HECW2: variants seen among roughly 807,000 people sequenced by gnomAD.
The protein encoded by HECW2 is E3 ubiquitin-protein ligase HECW2.
A neutral mutation model predicts 175.2 loss-of-function variants in HECW2; 61 were observed. The ratio of observed to expected loss-of-function variants is 0.35; its 90% confidence interval spans 0.28 to 0.43. The LOEUF is 0.43. Among genes scored for constraint, HECW2 ranks in the 20% least tolerant of loss-of-function variants. HECW2 has a pLI of 1.00. For missense variants in HECW2, 1,524 were observed against 2,000.5 expected (o/e 0.76, Z 4.54); for synonymous variants, 671 against 731.0 (o/e 0.92, Z 1.32).
chr2:196,275,480 A>G (rs971111920), intron 15 of HECW2, among the ~76,000 whole-genome samples: 28 of 152,170 alleles, frequency 1.8e-4, no homozygotes, highest in Non-Finnish European at 2.5e-4. Context: ...TGGGCCAGGC[A>G]CGGTGGCTCA....
intron 2 of HECW2, among the ~76,000 whole-genome samples, chr2:196,397,523 G>A (rs1278212466): frequency 1.3e-5 from 2 of 152,158 alleles, no homozygotes; most frequent in African/African-American, 4.8e-5. Flanking sequence ...AGTGAGTTTG[G>A]TTTGTTTTTT....
Position 196,201,203 on chromosome 2 carries a change from C to G in HECW2, c.*74G>C. 1 of 969,186 alleles carries G rather than the reference C, an allele frequency of 1.0e-6. No individual in the cohort carries two copies. The highest frequency in any genetic ancestry group is 1.7e-6 in the Non-Finnish European group (1 of 594,044). The allele number at this position is 969,186 out of a possible 1,614,324, so 60.0% of individuals were successfully genotyped here. ...AAAGGAAGCATCCTCTTGAAACTTC[C>G]AATGTTCAATCATTCTTCTAGAAGG... On this transcript the variant is annotated 3_prime_UTR_variant, in exon 29 of 29. Transcript: ENST00000644978.
intron 17 of HECW2, among the ~76,000 whole-genome samples, chr2:196,264,882 C>T (rs1360935947): frequency 6.6e-6 from 1 of 152,196 alleles, no homozygotes; most frequent in Non-Finnish European, 1.5e-5. Flanking sequence ...AATCTGTGTT[C>T]CTTACTGCCC....
At chr2:196,216,891 A>T in intron 27 of HECW2, 117 bp downstream of exon 27, 1 of 658,740 alleles carries the variant, frequency 1.5e-6, no homozygotes, top group Non-Finnish European at 2.4e-6. Context: ...GGTGTATCTC[A>T]TATTTCCAGA....
intron 2 of HECW2, among the ~76,000 whole-genome samples, chr2:196,359,931 G>T (rs1693525984): frequency 6.6e-6 from 1 of 152,060 alleles, no homozygotes; most frequent in Admixed American, 6.6e-5. Flanking sequence ...AGCAAACCCT[G>T]CCTCTACAAA....
chr2:196,350,868 T>C (rs968409547), intron 2 of HECW2, among the ~76,000 whole-genome samples: 2 of 152,248 alleles, frequency 1.3e-5, no homozygotes, highest in African/African-American at 2.4e-5. Flanking sequence ...TTGATTCATA[T>C]GGTTCTGAGC....
intron 1 of HECW2, among the ~76,000 whole-genome samples, chr2:196,558,414 C>T (rs1689880094): frequency 6.6e-6 from 1 of 152,184 alleles, no homozygotes; most frequent in African/African-American, 2.4e-5. Context: ...ACATCAAACT[C>T]TACACCCTTT....
At chr2:196,455,614 A>G (rs1696485925) in intron 1 of HECW2, among the ~76,000 whole-genome samples, 1 of 152,178 alleles carries the variant, frequency 6.6e-6, no homozygotes, top group African/African-American at 2.4e-5. Context: ...CTTTAAATAC[A>G]AACTCTGGAT....
intron 1 of HECW2, among the ~76,000 whole-genome samples, chr2:196,531,164 G>A (rs559824441): frequency 6.6e-6 from 1 of 152,180 alleles, no homozygotes; most frequent in African/African-American, 2.4e-5. Flanking sequence ...TTAGTGAAAT[G>A]AGTGATCAAG....
In HECW2 at chr2:196,292,752, TAAAGA is replaced by T. The variant is rs990978900; in HGVS notation, c.2815-7_2815-3del. 32 of 1,607,748 alleles carry T rather than the reference TAAAGA, an allele frequency of 2.0e-5. No individual in the cohort carries two copies. Among genetic ancestry groups the T allele is most frequent in the Non-Finnish European group, 2.6e-5 (31 of 1,174,908 alleles). The stretch of plus-strand genomic sequence containing the variant: ...GTTTGTAAACATGCGGTAGGCACTC[TAAAGA>T]AAAGAATGGAGAACCAATGTTAACC... On this transcript the variant is annotated splice_region_variant and splice_polypyrimidine_tract_variant and intron_variant, in intron 13 of 28. Transcript: ENST00000644978.
chr2:196,216,195 A>G (rs1452314346), intron 27 of HECW2, among the ~76,000 whole-genome samples: 1 of 152,192 alleles, frequency 6.6e-6, no homozygotes, highest in South Asian at 2.1e-4. Context: ...GGGAAAGGGG[A>G]TGTGGAGGGT....
intron 1 of HECW2, among the ~76,000 whole-genome samples, chr2:196,569,509 T>C (rs1265197735): frequency 1.3e-5 from 2 of 152,176 alleles, no homozygotes; most frequent in Non-Finnish European, 2.9e-5. Flanking sequence ...CACACATACA[T>C]TTTTCCCTTG....
chr2:196,406,412 T>C (rs1694967155), intron 2 of HECW2, among the ~76,000 whole-genome samples: 1 of 152,210 alleles, frequency 6.6e-6, no homozygotes, highest in South Asian at 2.1e-4. Context: ...CCTACACATA[T>C]TCTACTTTTA....
intron 2 of HECW2, among the ~76,000 whole-genome samples, chr2:196,429,237 GC>G (rs1695634706): frequency 3.7e-5 from 5 of 135,902 alleles, no homozygotes; most frequent in African/African-American, 1.6e-4. Context: ...CCTTTCCTGA[GC>G]CTGGGGGGGG....
At chr2:196,223,023 T>C (rs1344616809) in intron 23 of HECW2, among the ~76,000 whole-genome samples, 1 of 152,146 alleles carries the variant, frequency 6.6e-6, no homozygotes. Context: ...TGATTTGCTA[T>C]AGCTGTTTTG....
In HECW2 at chr2:196,201,016, C is replaced by A. The variant is rs1447794612; in HGVS notation, c.*261G>T. 5.4e-6 allele frequency: 2 copies of A among 368,214 alleles called. No homozygotes were observed. Among genetic ancestry groups the A allele is most frequent in the Non-Finnish European group, 1.0e-5 (2 of 193,626 alleles). 22.8% of individuals were successfully genotyped at this position (368,214 alleles called of 1,614,324 possible). A position where few individuals can be genotyped will look rare whatever the true frequency, so the allele number is the denominator to read the frequency against. On this transcript the variant is annotated 3_prime_UTR_variant, in exon 29 of 29. Transcript: ENST00000644978. ...GGTTCATCTTTGTCTTGGAACATAA[C>A]AAATGGAAAAAGTTTGGCAGTCAAG...
intron 2 of HECW2, among the ~76,000 whole-genome samples, chr2:196,421,696 C>T (rs1386821381): frequency 6.6e-6 from 1 of 152,058 alleles, no homozygotes; most frequent in African/African-American, 2.4e-5. Flanking sequence ...CTAATTTTGG[C>T]TATATGAGTC....
intron 1 of HECW2, among the ~76,000 whole-genome samples, chr2:196,541,388 A>G (rs937622534): frequency 3.3e-5 from 5 of 152,194 alleles, no homozygotes; most frequent in African/African-American, 1.2e-4. Flanking sequence ...TGCTCTGGAA[A>G]GGTTTAGTAA....
intron 10 of HECW2, among the ~76,000 whole-genome samples, chr2:196,310,768 T>TTGTGTGTGTGTGTGTGTG (rs143340435): frequency 0.092 from 13,565 of 148,174 alleles, 755 homozygotes; most frequent in East Asian, 0.27. Flanking sequence ...AGCAACGATT[T>TTGTGTGTGTGTGTGTGTG]TGTGTGTGTG....
Sources: allele counts gnomAD v4.1 joint callset (sites outside exome capture counted in the v4.1 genomes callset), GRCh38; gene constraint gnomAD v4.1.1; transcripts MANE v1.5; gene names NCBI Gene and HGNC (gene_info 2026-07-23, HGNC 2026-07-21).